MAN2A1: variants seen among roughly 807,000 people sequenced by gnomAD.
MAN2A1 encodes the protein alpha-mannosidase 2.
In MAN2A1, 76 loss-of-function variants were observed where a neutral mutation model predicts 142.6. The ratio of observed to expected loss-of-function variants is 0.53; its 90% CI spans 0.44 to 0.65. The LOEUF (loss-of-function observed/expected upper bound fraction) is 0.65, where lower values mean the gene tolerates loss of function less well. MAN2A1 is among the 30% of genes least tolerant of loss of function. MAN2A1 has a pLI of 0.00. For synonymous variants in MAN2A1, 559 were observed against 473.2 expected (o/e 1.18, Z -2.35); for missense variants, 1,311 against 1,365.1 (o/e 0.96, Z 0.62).
intron 4 of MAN2A1, among the ~76,000 whole-genome samples, chr5:109,738,425 T>C (rs1337756597): frequency 6.6e-6 from 1 of 152,068 alleles, no homozygotes; most frequent in African/African-American, 2.4e-5. Flanking sequence ...TTTTCTCTTT[T>C]TTATAATTAA....
At chr5:109,799,851 G>C (rs1323214157) in intron 12 of MAN2A1, among the ~76,000 whole-genome samples, 1 of 152,058 alleles carries the variant, frequency 6.6e-6, no homozygotes, top group Non-Finnish European at 1.5e-5. Flanking sequence ...ACTTTGGGAG[G>C]CCGAGGTGGG....
At chr5:109,786,655 G>A (rs1484966455) in intron 10 of MAN2A1, among the ~76,000 whole-genome samples, 1 of 152,064 alleles carries the variant, frequency 6.6e-6, no homozygotes, top group African/African-American at 2.4e-5. Context: ...CATTAGCACA[G>A]ACATTTTAAG....
chr5:109,790,898 G>A (rs1753721610), intron 12 of MAN2A1, among the ~76,000 whole-genome samples: 1 of 152,034 alleles, frequency 6.6e-6, no homozygotes, highest in African/African-American at 2.4e-5. Context: ...CAGAAGAAAA[G>A]ATGTTCCCTT....
intron 20 of MAN2A1, among the ~76,000 whole-genome samples, chr5:109,859,546 T>A (rs544278164): frequency 4.6e-4 from 70 of 152,178 alleles, no homozygotes; most frequent in Non-Finnish European, 7.2e-4. Context: ...CTCTTTTCCT[T>A]GATCACACCT....
At chr5:109,862,064 G>A (rs955744659) in intron 20 of MAN2A1, among the ~76,000 whole-genome samples, 23 of 152,168 alleles carry the variant, frequency 1.5e-4, no homozygotes, top group Non-Finnish European at 3.1e-4. Context: ...ACAGGATATG[G>A]CACACAGCAA....
At chr5:109,716,081 A>G (rs1184017244) in intron 2 of MAN2A1, 39 bp from the exon 3 acceptor site, 1 of 1,395,636 alleles carries the variant, frequency 7.2e-7, no homozygotes, top group South Asian at 1.2e-5. Context: ...TTAAATTAAT[A>G]ATTGTTAAAC....
chr5:109,866,677 A>G (rs1755891757), intron 21 of MAN2A1, among the ~76,000 whole-genome samples, 169 bp from the exon 22 acceptor site: 1 of 152,096 alleles, frequency 6.6e-6, no homozygotes, highest in Non-Finnish European at 1.5e-5. Flanking sequence ...GAACTTATAT[A>G]TGTATATTTA....
intron 3 of MAN2A1, among the ~76,000 whole-genome samples, chr5:109,716,718 G>A (rs949611136): frequency 1.3e-5 from 2 of 152,156 alleles, no homozygotes; most frequent in African/African-American, 4.8e-5. Context: ...AGGCACATAC[G>A]AATGTGAGTC....
chr5:109,699,601 T>TAAAG (rs3841783), intron 1 of MAN2A1: 54,182 of 152,260 alleles, frequency 0.36, 9,983 homozygotes, highest in East Asian at 0.67. Flanking sequence ...ATTTGTCAGT[T>TAAAG]AGAGCTCGTT....
At chr5:109,816,864 T>C (rs991681118) in intron 12 of MAN2A1, among the ~76,000 whole-genome samples, 1 of 152,220 alleles carries the variant, frequency 6.6e-6, no homozygotes, top group Non-Finnish European at 1.5e-5. Flanking sequence ...AATCATTATT[T>C]AATTACCCTT....
intron 16 of MAN2A1, among the ~76,000 whole-genome samples, chr5:109,834,983 T>A (rs182914663): frequency 6.6e-5 from 10 of 152,254 alleles, no homozygotes; most frequent in Admixed American, 2.0e-4. Flanking sequence ...GTTTTTTTTT[T>A]AAATATGGTC....
At chr5:109,843,348 T>C (rs373124225) in intron 17 of MAN2A1, among the ~76,000 whole-genome samples, 92 of 152,176 alleles carry the variant, frequency 6.0e-4, no homozygotes, top group African/African-American at 2.1e-3. Flanking sequence ...TCCCTCACTG[T>C]CAAAAGAACA....
intron 1 of MAN2A1, among the ~76,000 whole-genome samples, chr5:109,711,508 TC>T (rs1375926768): frequency 6.6e-6 from 1 of 152,222 alleles, no homozygotes; most frequent in African/African-American, 2.4e-5. Context: ...TGCCAAGGGA[TC>T]CCCTTTCGTC....
intron 8 of MAN2A1, among the ~76,000 whole-genome samples, chr5:109,779,310 T>C (rs538628888): frequency 6.6e-6 from 1 of 152,308 alleles, no homozygotes; most frequent in East Asian, 1.9e-4. Context: ...GTATACTTTA[T>C]TGTTAATACT....
intron 20 of MAN2A1, among the ~76,000 whole-genome samples, chr5:109,857,671 TACTC>T (rs943806390): frequency 1.6e-4 from 24 of 152,356 alleles, no homozygotes; most frequent in African/African-American, 5.8e-4. Context: ...TTTTTGTGGT[TACTC>T]ACTTCTTCAC....
chr5:109,860,537 C>T (rs1225410991), intron 20 of MAN2A1, among the ~76,000 whole-genome samples: 2 of 152,166 alleles, frequency 1.3e-5, no homozygotes, highest in African/African-American at 4.8e-5. Flanking sequence ...TCCCATGCAT[C>T]CTGGAGAATT....
chr5:109,711,421 T>C (rs1751297614), intron 1 of MAN2A1, among the ~76,000 whole-genome samples: 1 of 141,992 alleles, frequency 7.0e-6, no homozygotes, highest in South Asian at 2.3e-4. Flanking sequence ...GCATATGTAT[T>C]TAGGAAAATA....
chr5:109,855,312 A>G lies in MAN2A1; in HGVS notation c.3149A>G (p.Asn1050Ser). The G allele has an allele frequency of 1.3e-6, 2 of 1,593,938 alleles. No individual in the cohort carries two copies. The highest frequency in any genetic ancestry group is 2.7e-5 in the African/African-American group (2 of 74,314). The change falls in exon 20 of 22, where the codon AAT becomes AGT. Residue 1050 changes from asparagine to serine, a missense_variant. This residue lies in a region of MAN2A1 where 890 missense variants were observed against 920.5 expected (regional missense o/e 0.97). Coordinates refer to ENST00000261483, the MANE Select transcript of MAN2A1 (RefSeq NM_002372.4). ...SSLPCDIHLV[N>S]LRTIQSKVGN... is the part of the protein sequence containing the mutation. ...TTGCCTTGTGACATTCATCTGGTTA[A>G]TTTGAGAACAATACAGTCAAAGGTA...
chr5:109,840,375 C>T (rs899946352), intron 16 of MAN2A1: 6 of 377,190 alleles, frequency 1.6e-5, no homozygotes, highest in African/African-American at 4.4e-5. Context: ...ACTTTTAGGT[C>T]ATCTCCAGAG....
Sources: allele counts gnomAD v4.1 joint callset (sites outside exome capture counted in the v4.1 genomes callset), GRCh38; gene constraint gnomAD v4.1.1; regional missense constraint gnomAD v4.1.1; transcripts MANE v1.5; gene names NCBI Gene and HGNC (gene_info 2026-07-23, HGNC 2026-07-21).